Variants in CEP250 observed in about 807,000 individuals in gnomAD.
The protein encoded by CEP250 is centrosome-associated protein CEP250.
In CEP250, 242 loss-of-function variants were observed where a neutral mutation model predicts 315.7. The ratio of observed to expected loss-of-function variants is 0.77; its 90% CI spans 0.69 to 0.85. The LOEUF (loss-of-function observed/expected upper bound fraction) is 0.85, where lower values mean the gene tolerates loss of function less well. Ranked by LOEUF, CEP250 falls within the 40% of genes least tolerant of loss-of-function variation. The probability of loss-of-function intolerance (pLI) is 0.00; values close to 1 mark genes in which losing one functional copy is unlikely to be tolerated. For synonymous variants in CEP250, 1,088 were observed against 1,175.0 expected (o/e 0.93, Z 1.51); for missense variants, 2,515 against 2,886.4 (o/e 0.87, Z 2.95).
intron 4 of CEP250, 93 bp downstream of exon 4, chr20:35,462,646 T>C: frequency 9.3e-7 from 1 of 1,075,262 alleles, no homozygotes; most frequent in Non-Finnish European, 1.3e-6. Flanking sequence ...CAGAGTCTTG[T>C]GGTGGGAGTG....
At chr20:35,510,198 C>A in intron 34 of CEP250, 144 bp downstream of exon 34, 2 of 715,958 alleles carry the variant, frequency 2.8e-6, no homozygotes, top group Non-Finnish European at 5.0e-6. Flanking sequence ...CCAACCCCAT[C>A]TCTCATATGC....
At position 35,519,148 on chromosome 20, in the gene CEP250, TGTTA is replaced by T. The variant is rs1048383542; in HGVS notation, c.*7526_*7529del. The T allele has an allele frequency of 3.3e-5, 5 of 152,180 alleles. No individual in the cohort carries two copies. Among genetic ancestry groups the T allele is most frequent in the Non-Finnish European group, 7.3e-5 (5 of 68,028 alleles). The allele number at this position is 152,180 out of a possible 1,614,324, so 9.4% of individuals were successfully genotyped here. A position where few individuals can be genotyped will look rare whatever the true frequency, so the allele number is the denominator to read the frequency against. On this transcript the variant is annotated 3_prime_UTR_variant, in exon 35 of 35. Transcript: ENST00000397527. ...GAGGGAGAAAATGTACTTTGTAAACTGTTAGTTCAATGAGGTTATGATTGCACAA... is the reference window on the plus strand; with the variant it reads ...GAGGGAGAAAATGTACTTTGTAAACTGTTCAATGAGGTTATGATTGCACAA...
At chr20:35,506,702 G>T (rs915375770) in intron 30 of CEP250, among the ~76,000 whole-genome samples, 1 of 152,122 alleles carries the variant, frequency 6.6e-6, no homozygotes, top group South Asian at 2.1e-4. Flanking sequence ...AGTTCACAGG[G>T]TTTGAAATAC....
intron 32 of CEP250, 87 bp from the exon 33 acceptor site, chr20:35,508,856 C>A: frequency 9.4e-7 from 1 of 1,068,884 alleles, no homozygotes; most frequent in Non-Finnish European, 1.4e-6. Flanking sequence ...TATACCTGCA[C>A]AGGCACTGGC....
At position 35,467,511 on chromosome 20, in the gene CEP250, G is replaced by A; in HGVS notation, c.807G>A (p.Gln269=). ...EAHERSQELI[Q]LKSQGDLEKA... Reference sequence around the variant, plus strand: ...ATGAAAGGAGCCAGGAGTTAATACAGCTGAAGAGTCAAGGGGATCTGGAGA... The same window carrying A: ...ATGAAAGGAGCCAGGAGTTAATACAACTGAAGAGTCAAGGGGATCTGGAGA... Residue 269 remains glutamine (Q), a synonymous_variant, in exon 9 of 35, where the codon CAG becomes CAA. Transcript: ENST00000397527. 6.2e-7 allele frequency: 1 copy of A among 1,614,140 alleles called. No individual in the cohort carries two copies. The highest frequency in any genetic ancestry group is 1.1e-5 in the South Asian group (1 of 91,078).
At chr20:35,491,083 C>A in intron 21 of CEP250, 129 bp from the exon 22 acceptor site, 1 of 1,164,772 alleles carries the variant, frequency 8.6e-7, no homozygotes, top group Non-Finnish European at 1.2e-6. Context: ...TGGGCTCAGA[C>A]CTTCCTTTGC....
At position 35,477,716 on chromosome 20, in the gene CEP250, T is replaced by G. The variant is rs1470808142; in HGVS notation, c.1864-155T>G. On this transcript the variant is annotated intron_variant, in intron 16 of 34. Coordinates refer to ENST00000397527, the MANE Select transcript of CEP250 (RefSeq NM_007186.6). The stretch of plus-strand genomic sequence containing the variant: ...TAGTACCTGGAATATAGGCACTAGA[T>G]CAAATGAATGGATTTTCCCCCATCT... 5 of 660,672 alleles carry G rather than the reference T, an allele frequency of 7.6e-6. No homozygotes were observed. The Admixed American group carries it at 8.5e-5, about 11-fold the overall frequency. The allele number at this position is 660,672 out of a possible 1,614,324, so 40.9% of individuals were successfully genotyped here. A position where few individuals can be genotyped will look rare whatever the true frequency, so the allele number is the denominator to read the frequency against.
At chr20:35,479,910 G>T in intron 19 of CEP250, 66 bp from the exon 20 acceptor site, 2 of 1,597,960 alleles carry the variant, frequency 1.3e-6, no homozygotes, top group Non-Finnish European at 1.7e-6. Context: ...TGAGGTCAGG[G>T]GAGAGGGAGA....
rs1297481786 is a variant in CEP250, at chr20:35,502,872, G to A, written c.4503G>A (p.Gln1501=). The A allele has an allele frequency of 6.2e-7, 1 of 1,614,262 alleles. No individual in the cohort carries two copies. Among genetic ancestry groups the A allele is most frequent in the South Asian group, 1.1e-5 (1 of 91,088 alleles). ...CCATGGCCGTCCAGGAGCGAGAGCA[G>A]AAGCTGACTGTGCAGAGGGAGCAGA... ...HLPMAVQERE[Q]KLTVQREQIR... The change falls in exon 30 of 35, where the codon CAG becomes CAA. Residue 1501 remains glutamine, a synonymous_variant. Coordinates refer to ENST00000397527, the MANE Select transcript of CEP250 (RefSeq NM_007186.6).
Position 35,511,782 on chromosome 20 carries a change from C to T in CEP250, c.*156C>T, listed in dbSNP as rs1318834988. ...CCAGGAAGAGGAAGTAAATCTGCAACCCTGGGGAGGACCCCAACTCACCTG... is the reference window on the plus strand; with the variant it reads ...CCAGGAAGAGGAAGTAAATCTGCAATCCTGGGGAGGACCCCAACTCACCTG... On this transcript the variant is annotated 3_prime_UTR_variant, in exon 35 of 35. Coordinates refer to ENST00000397527, the MANE Select transcript of CEP250 (RefSeq NM_007186.6). 4.2e-6 allele frequency: 6 copies of T among 1,420,102 alleles called. No individual in the cohort carries two copies. In the East Asian group the frequency reaches 1.5e-4, roughly 36 times the overall value. 88.0% of individuals were successfully genotyped at this position (1,420,102 alleles called of 1,614,324 possible). A position where few individuals can be genotyped will look rare whatever the true frequency, so the allele number is the denominator to read the frequency against.
At chr20:35,476,617 C>A in intron 16 of CEP250, 22 bp downstream of exon 16, 1 of 1,606,896 alleles carries the variant, frequency 6.2e-7, no homozygotes, top group South Asian at 1.1e-5. Flanking sequence ...TTTTCCTGGT[C>A]CCCACAGAAG....
intron 22 of CEP250, 41 bp downstream of exon 22, chr20:35,491,387 T>A (rs1304773394): frequency 6.4e-7 from 1 of 1,559,628 alleles, no homozygotes; most frequent in Non-Finnish European, 8.7e-7. Context: ...AAAGGGGCAC[T>A]CATTTACCCA....
intron 20 of CEP250, among the ~76,000 whole-genome samples, chr20:35,485,521 G>A (rs1174238084): frequency 6.6e-6 from 1 of 151,878 alleles, no homozygotes; most frequent in Non-Finnish European, 1.5e-5. Flanking sequence ...ATAAGGTCTT[G>A]CTCTGGTCAC....
At position 35,518,621 on chromosome 20, in the gene CEP250, A is replaced by G. The variant is rs1455329171; in HGVS notation, c.*6995A>G. ...GCTCAAAGTTTTTTATATATTCACTATGATTCAATCATGACAGTTGCTATT... is the reference window on the plus strand; with the variant it reads ...GCTCAAAGTTTTTTATATATTCACTGTGATTCAATCATGACAGTTGCTATT... On this transcript the variant is annotated 3_prime_UTR_variant, in exon 35 of 35. Transcript: ENST00000397527. 1 of 152,166 alleles carries G rather than the reference A, an allele frequency of 6.6e-6. No individual in the cohort carries two copies. Among genetic ancestry groups the G allele is most frequent in the Non-Finnish European group, 1.5e-5 (1 of 68,032 alleles). The allele number at this position is 152,166 out of a possible 1,614,324, so 9.4% of individuals were successfully genotyped here. A position where few individuals can be genotyped will look rare whatever the true frequency, so the allele number is the denominator to read the frequency against.
At chr20:35,467,889 C>T (rs2062926882) in intron 9 of CEP250, among the ~76,000 whole-genome samples, 1 of 152,066 alleles carries the variant, frequency 6.6e-6, no homozygotes, top group Admixed American at 6.6e-5. Flanking sequence ...TCTGGAATGC[C>T]TCCCTCCCTT....
intron 22 of CEP250, 42 bp downstream of exon 22, chr20:35,491,388 C>CA (rs748884342): frequency 1.2e-5 from 18 of 1,557,206 alleles, no homozygotes; most frequent in Non-Finnish European, 1.6e-5. Context: ...AAGGGGCACT[C>CA]ATTTACCCAT....
Position 35,515,762 on chromosome 20 carries a change from T to A in CEP250, c.*4136T>A, listed in dbSNP as rs952918021. Reference sequence around the variant, plus strand: ...GAAGAAGCAAGAGCTGCCAGTGTGCTCCAAACCAAGAGAGCCCTCCACATG... The same window carrying A: ...GAAGAAGCAAGAGCTGCCAGTGTGCACCAAACCAAGAGAGCCCTCCACATG... On this transcript the variant is annotated 3_prime_UTR_variant, in exon 35 of 35. Transcript: ENST00000397527. The A allele has an allele frequency of 2.0e-5, 3 of 152,668 alleles. No individual in the cohort carries two copies. The highest frequency in any genetic ancestry group is 4.4e-5 in the Non-Finnish European group (3 of 68,440). The allele number at this position is 152,668 out of a possible 1,614,324, so 9.5% of individuals were successfully genotyped here.
chr20:35,491,757 C>T (rs773311132), intron 22 of CEP250, among the ~76,000 whole-genome samples: 10 of 152,108 alleles, frequency 6.6e-5, no homozygotes, highest in Middle Eastern at 3.4e-3. Context: ...CAAAAATTAG[C>T]TGTGTGTGGT....
Position 35,511,664 on chromosome 20 carries a change from C to A in CEP250, c.*38C>A. 1.3e-6 allele frequency: 2 copies of A among 1,583,746 alleles called. No individual in the cohort carries two copies. The highest frequency in any genetic ancestry group is 2.3e-5 in the South Asian group (2 of 86,556). ...GGAGCACACAGACAGAAGACTGTGT[C>A]ATGGGTCATGGCCCCTCCGCACACC... is the stretch of plus-strand genomic sequence containing the variant. On this transcript the variant is annotated 3_prime_UTR_variant, in exon 35 of 35. Coordinates refer to ENST00000397527, the MANE Select transcript of CEP250 (RefSeq NM_007186.6).
Sources: allele counts gnomAD v4.1 joint callset (sites outside exome capture counted in the v4.1 genomes callset), GRCh38; gene constraint gnomAD v4.1.1; transcripts MANE v1.5; gene names NCBI Gene and HGNC (gene_info 2026-07-23, HGNC 2026-07-21).